Variants in EREG observed in about 807,000 individuals in gnomAD.
EREG encodes proepiregulin.
EREG carries 23 observed loss-of-function variants against 22.4 expected under a neutral mutation model. The observed-to-expected ratio is 1.03, with a 90% CI of 0.74 to 1.46. The LOEUF is 1.46. EREG is among the 40% of genes most tolerant of loss of function. The pLI is 0.00. For synonymous variants in EREG, 100 were observed against 75.4 expected (o/e 1.33, Z -1.69); for missense variants, 226 against 205.9 (o/e 1.10, Z -0.60).
rs1752544433 is a variant in EREG at position 74,384,856 on chromosome 4, T to C, written c.*48T>C. The C allele has an allele frequency of 9.3e-7, 1 of 1,076,032 alleles. No homozygotes were observed. 66.7% of individuals were successfully genotyped at this position (1,076,032 alleles called of 1,614,324 possible). ...CAGGGATAACAGTGTGCCTGGTTAA[T>C]ATTAATATTCCCATTTTATTAATAA... On this transcript the variant is annotated 3_prime_UTR_variant, in exon 5 of 5. Coordinates refer to ENST00000244869, the MANE Select transcript of EREG (RefSeq NM_001432.3).
intron 1 of EREG, among the ~76,000 whole-genome samples, chr4:74,368,590 G>A (rs917242319): frequency 2.6e-5 from 4 of 152,020 alleles, no homozygotes; most frequent in Non-Finnish European, 4.4e-5. Context: ...TAATCACTTC[G>A]GAGAAACTGA....
chr4:74,383,517 A>G (rs890472218), intron 4 of EREG, among the ~76,000 whole-genome samples: 5 of 152,268 alleles, frequency 3.3e-5, no homozygotes, highest in South Asian at 4.1e-4. Flanking sequence ...TGAAAACAGA[A>G]AAATAGAAAG....
chr4:74,381,102 C>T lies in EREG; in HGVS notation c.243C>T (p.Cys81=). 3.1e-6 allele frequency: 5 copies of T among 1,613,146 alleles called. No homozygotes were observed. Among genetic ancestry groups the T allele is most frequent in the Non-Finnish European group, 4.2e-6 (5 of 1,179,406 alleles). ...ATGGCTATTGTTTGCATGGACAGTG[C>T]ATCTATCTGGTGGACATGAGTCAAA... The part of the protein sequence containing the change: ...DMNGYCLHGQ[C]IYLVDMSQNY... Residue 81 remains cysteine (C), a synonymous_variant, in exon 3 of 5, where the codon TGC becomes TGT. Transcript: ENST00000244869.
chr4:74,382,816 C>T (rs756863577), intron 4 of EREG, 22 bp downstream of exon 4: 2 of 1,589,290 alleles, frequency 1.3e-6, no homozygotes, highest in East Asian at 4.5e-5. Context: ...TGGTTTTATA[C>T]TCTGCTTTTA....
rs143235015 is a variant in EREG at position 74,367,077 on chromosome 4, C to CA, written c.67+1708dup. On this transcript the variant is annotated intron_variant, in intron 1 of 4. Coordinates refer to ENST00000244869, the MANE Select transcript of EREG (RefSeq NM_001432.3). ...TTCCCAAATCTTGTCCTTCCCCCAG[C>CA]AAAAAAGAGCGAGACATTTATTTTA... Among the ~76,000 whole-genome samples the CA allele has an allele frequency of 1.4e-3, 212 of 152,066 alleles. 4 individuals carry two copies. The East Asian group carries it at 0.039, about 28-fold the overall frequency.
Position 74,382,764 on chromosome 4 carries a change from T to A in EREG, c.398T>A (p.Val133Asp). ...VILIILFLITVVGSTYYFCRW... is the reference protein window; with the variant it reads ...VILIILFLITDVGSTYYFCRW... ...CTTATTATTTTGTTTCTTATCACAG[T>A]CGTCGGTTCCACATATTATTTCTGC... Residue 133 changes from valine to aspartate, a missense_variant, in exon 4 of 5, where the codon GTC becomes GAC. Coordinates refer to ENST00000244869, the MANE Select transcript of EREG (RefSeq NM_001432.3). 6.2e-7 allele frequency: 1 copy of A among 1,613,612 alleles called. No individual in the cohort carries two copies. Among genetic ancestry groups the A allele is most frequent in the Non-Finnish European group, 8.5e-7 (1 of 1,179,786 alleles).
intron 2 of EREG, among the ~76,000 whole-genome samples, chr4:74,380,001 T>C (rs1229712678): frequency 4.6e-5 from 7 of 152,190 alleles, no homozygotes; most frequent in Admixed American, 2.6e-4. Flanking sequence ...ATTTATCGAG[T>C]ATGTAGTATG....
At chr4:74,381,984 C>CAAAAAAAAAAAAAAAAAA (rs59896791) in intron 3 of EREG, 1 of 38,074 alleles carries the variant, frequency 2.6e-5, no homozygotes, top group African/African-American at 8.3e-5. Context: ...GACTCCGTCT[C>CAAAAAAAAAAAAAAAAAA]AAAAAAAAAA....
intron 1 of EREG, among the ~76,000 whole-genome samples, chr4:74,377,876 C>A (rs1159981880): frequency 6.6e-6 from 1 of 152,180 alleles, no homozygotes; most frequent in Non-Finnish European, 1.5e-5. Flanking sequence ...CCTCCTTGGA[C>A]ACATGGGGAT....
chr4:74,365,903 C>G (rs1752172243), intron 1 of EREG, among the ~76,000 whole-genome samples: 1 of 152,052 alleles, frequency 6.6e-6, no homozygotes, highest in Admixed American at 6.5e-5. Flanking sequence ...TGGCTGAGCT[C>G]CAGACACAAG....
At chr4:74,367,413 C>T (rs191789539) in intron 1 of EREG, among the ~76,000 whole-genome samples, 1 of 152,054 alleles carries the variant, frequency 6.6e-6, no homozygotes, top group Non-Finnish European at 1.5e-5. Context: ...AATTTTAGAG[C>T]AGAATTTTGT....
At chr4:74,376,803 T>C (rs751348184) in intron 1 of EREG, among the ~76,000 whole-genome samples, 1 of 152,190 alleles carries the variant, frequency 6.6e-6, no homozygotes, top group Non-Finnish European at 1.5e-5. Flanking sequence ...CAAGTGATCT[T>C]AGACAAGACA....
At chr4:74,377,756 C>A (rs748067609) in intron 1 of EREG, among the ~76,000 whole-genome samples, 5 of 152,278 alleles carry the variant, frequency 3.3e-5, no homozygotes, top group Admixed American at 1.3e-4. Context: ...GAGAGAGAGG[C>A]GGGAAGGAGG....
intron 4 of EREG, 89 bp from the exon 5 acceptor site, chr4:74,384,638 G>T: frequency 3.0e-6 from 2 of 659,712 alleles, no homozygotes; most frequent in South Asian, 2.2e-5. Flanking sequence ...GAAACACTAT[G>T]CTAATGTGCC....
chr4:74,379,309 A>T (rs1752434893), intron 1 of EREG, 139 bp from the exon 2 acceptor site: 2 of 556,258 alleles, frequency 3.6e-6, no homozygotes, highest in East Asian at 5.7e-5. Flanking sequence ...TGTTTCCATG[A>T]ATTATTTTGT....
rs1409199346 is a variant in EREG at position 74,375,335 on chromosome 4, TTG to T, written c.68-4112_68-4111del. 2.0e-3 allele frequency among the ~76,000 whole-genome samples: 127 copies of T among 65,118 alleles called. 1 individual carries two copies. The highest frequency in any genetic ancestry group is 7.3e-3 in the African/African-American group (122 of 16,760). The allele number at this position is 65,118 out of a possible 152,430, so 42.7% of individuals were successfully genotyped here. ...TTTTTTTTTTTTTTTTTTTTTTTTT[TTG>T]AGAGGGAGTCTTCCTCTGTCGCCCA... On this transcript the variant is annotated intron_variant, in intron 1 of 4. Transcript: ENST00000244869.
chr4:74,380,186 T>C (rs996828753), intron 2 of EREG, among the ~76,000 whole-genome samples: 16 of 152,048 alleles, frequency 1.1e-4, no homozygotes, highest in African/African-American at 3.6e-4. Context: ...CCATAACAAC[T>C]TTATCTTTTG....
intron 1 of EREG, among the ~76,000 whole-genome samples, chr4:74,376,017 A>G (rs1320153669): frequency 6.6e-6 from 1 of 152,238 alleles, no homozygotes; most frequent in Non-Finnish European, 1.5e-5. Flanking sequence ...AGGAAAGTCC[A>G]GTCTTTGTGG....
intron 2 of EREG, 92 bp from the exon 3 acceptor site, chr4:74,380,922 G>A: frequency 7.3e-7 from 1 of 1,368,304 alleles, no homozygotes; most frequent in Non-Finnish European, 1.0e-6. Context: ...GACTTGTTGT[G>A]TAGAAGTAGT....
Sources: gnomAD v4.1 joint callset for allele counts (sites outside exome capture counted in the v4.1 genomes callset) on GRCh38, gnomAD v4.1.1 for gene constraint, MANE v1.5 for transcripts, NCBI Gene and HGNC (gene_info 2026-07-23, HGNC 2026-07-21) for gene names.